GABRG3: variants seen among roughly 807,000 people sequenced by gnomAD.
The protein encoded by GABRG3 is gamma-aminobutyric acid receptor subunit gamma-3.
Under a neutral mutation model 48.8 loss-of-function variants are expected in GABRG3, and 25 were observed. The ratio of observed to expected loss-of-function variants is 0.51; its 90% CI spans 0.37 to 0.72. The LOEUF (loss-of-function observed/expected upper bound fraction) is 0.72, where lower values mean the gene tolerates loss of function less well. Among genes scored for constraint, GABRG3 ranks in the 30% least tolerant of loss-of-function variants. GABRG3 has a pLI of 0.00. For synonymous variants in GABRG3, 227 were observed against 217.6 expected, an observed-to-expected ratio of 1.04 and a Z score of -0.38; for missense variants, 394 against 577.9, an observed-to-expected ratio of 0.68 and a Z score of 3.26.
chr15:27,303,820 A>G (rs1477375322), intron 3 of GABRG3, among the ~76,000 whole-genome samples: 3 of 151,226 alleles, frequency 2.0e-5, no homozygotes, highest in East Asian at 1.9e-4. Context: ...GTGTGTATAT[A>G]TGTATATACA....
intron 3 of GABRG3, among the ~76,000 whole-genome samples, chr15:27,190,930 G>A (rs1249084836): frequency 6.6e-6 from 1 of 151,774 alleles, no homozygotes; most frequent in Non-Finnish European, 1.5e-5. Flanking sequence ...TGTCGTGCTT[G>A]TTCTCGTTGG....
At chr15:27,173,925 A>G (rs957680110) in intron 3 of GABRG3, among the ~76,000 whole-genome samples, 2 of 152,160 alleles carry the variant, frequency 1.3e-5, no homozygotes, top group African/African-American at 4.8e-5. Context: ...CTACAACATC[A>G]AAGAAAACAG....
intron 3 of GABRG3, among the ~76,000 whole-genome samples, chr15:27,235,009 C>T (rs1363644675): frequency 6.6e-6 from 1 of 152,116 alleles, no homozygotes; most frequent in Non-Finnish European, 1.5e-5. Context: ...GGCCTGTTGG[C>T]TGAGGGCGTG....
At chr15:27,235,550 C>T (rs538019559) in intron 3 of GABRG3, among the ~76,000 whole-genome samples, 1 of 152,278 alleles carries the variant, frequency 6.6e-6, no homozygotes, top group Admixed American at 6.5e-5. Flanking sequence ...CTTCCTGGGG[C>T]TGGGTTTGGA....
intron 3 of GABRG3, among the ~76,000 whole-genome samples, chr15:27,250,697 G>C (rs1820693915): frequency 1.3e-5 from 2 of 152,314 alleles, no homozygotes; most frequent in Admixed American, 1.3e-4. Context: ...AAAGTGCTGG[G>C]ATCACAGGCG....
At chr15:27,370,561 AG>A (rs1895376191) in intron 5 of GABRG3, among the ~76,000 whole-genome samples, 2 of 152,142 alleles carry the variant, frequency 1.3e-5, no homozygotes, top group South Asian at 4.1e-4. Context: ...TGTTAGTGGG[AG>A]GCACTGTGAC....
At chr15:27,449,880 G>A (rs892806274) in intron 5 of GABRG3, among the ~76,000 whole-genome samples, 2 of 152,224 alleles carry the variant, frequency 1.3e-5, no homozygotes, top group African/African-American at 4.8e-5. Flanking sequence ...CACTCTCTCA[G>A]TAGAAAATGA....
At chr15:27,518,369 C>CAAAA (rs3058095) in intron 6 of GABRG3, among the ~76,000 whole-genome samples, 58,402 of 124,918 alleles carry the variant, frequency 0.47, 13,171 homozygotes, top group East Asian at 0.62. Flanking sequence ...AACTCTGTCT[C>CAAAA]AAAAAAAAAA....
intron 3 of GABRG3, among the ~76,000 whole-genome samples, chr15:27,262,573 T>C (rs145821275): frequency 0.014 from 2,186 of 152,336 alleles, 33 homozygotes; most frequent in Middle Eastern, 0.024. Flanking sequence ...ATGTTTGTCA[T>C]TCTTACTCAT....
intron 2 of GABRG3, among the ~76,000 whole-genome samples, chr15:27,017,071 T>A (rs1429895192): frequency 6.6e-6 from 1 of 152,204 alleles, no homozygotes; most frequent in Non-Finnish European, 1.5e-5. Flanking sequence ...TTTTGAATTA[T>A]TTATCTGCTA....
intron 5 of GABRG3, among the ~76,000 whole-genome samples, chr15:27,385,439 G>A (rs1033559200): frequency 4.0e-5 from 6 of 151,716 alleles, no homozygotes; most frequent in African/African-American, 1.5e-4. Context: ...TTTCAACCAT[G>A]ATTTTTTAGA....
At chr15:27,086,310 C>G (rs1897076264) in intron 3 of GABRG3, among the ~76,000 whole-genome samples, 1 of 151,754 alleles carries the variant, frequency 6.6e-6, no homozygotes, top group African/African-American at 2.4e-5. Flanking sequence ...GGGGACAGAG[C>G]AGGTCAGAGT....
At chr15:27,426,353 A>G (rs1888292178) in intron 5 of GABRG3, among the ~76,000 whole-genome samples, 2 of 152,210 alleles carry the variant, frequency 1.3e-5, no homozygotes, top group Admixed American at 1.3e-4. Flanking sequence ...AAAAAGAGTT[A>G]GTTATTTTAA....
chr15:27,532,917 A>G lies in GABRG3; in HGVS notation c.*36A>G. ...GAGTGAAGAGTGAAGAGCATTTGGT[A>G]CACACTTGACCTTCTGTCGTCCCCA... On this transcript the variant is annotated 3_prime_UTR_variant, in exon 10 of 10. Transcript: ENST00000615808. The G allele has an allele frequency of 6.3e-7, 1 of 1,596,386 alleles. No homozygotes were observed. Among genetic ancestry groups the G allele is most frequent in the Non-Finnish European group, 8.5e-7 (1 of 1,170,738 alleles).
At chr15:27,507,974 T>C (rs116096767) in intron 6 of GABRG3, among the ~76,000 whole-genome samples, 1,570 of 152,352 alleles carry the variant, frequency 0.01, 27 homozygotes, top group African/African-American at 0.036. Context: ...TTCATGTAAC[T>C]ACTCCAGCTT....
chr15:27,262,191 G>A (rs112586760), intron 3 of GABRG3, among the ~76,000 whole-genome samples: 2,977 of 152,322 alleles, frequency 0.02, 94 homozygotes, highest in African/African-American at 0.069. Context: ...CACCAGGCAA[G>A]GGGAGCTGAG....
At chr15:27,285,288 T>TGTGTGTG (rs1227824301) in intron 3 of GABRG3, among the ~76,000 whole-genome samples, 1 of 141,262 alleles carries the variant, frequency 7.1e-6, no homozygotes, top group Non-Finnish European at 1.5e-5. Flanking sequence ...TGTGTGTGTG[T>TGTGTGTG]GTGTGTGTGT....
At chr15:26,981,715 C>T (rs1470035124) in intron 2 of GABRG3, among the ~76,000 whole-genome samples, 1 of 152,186 alleles carries the variant, frequency 6.6e-6, no homozygotes, top group African/African-American at 2.4e-5. Context: ...GGGATTGCAG[C>T]AGACGCACCG....
intron 3 of GABRG3, among the ~76,000 whole-genome samples, chr15:27,273,683 A>G (rs1031822424): frequency 6.6e-6 from 1 of 152,254 alleles, no homozygotes; most frequent in African/African-American, 2.4e-5. Flanking sequence ...CTGCCTAGTC[A>G]GCTGCTGTAT....
Sources: allele counts gnomAD v4.1 joint callset (sites outside exome capture counted in the v4.1 genomes callset), GRCh38; gene constraint gnomAD v4.1.1; transcripts MANE v1.5; gene names NCBI Gene and HGNC (gene_info 2026-07-23, HGNC 2026-07-21).